Variants in GRM7 observed in about 807,000 individuals in gnomAD.
The protein encoded by GRM7 is glutamate metabotropic receptor 7, also known as metabotropic glutamate receptor 7.
In GRM7, 35 loss-of-function variants were observed where a neutral mutation model predicts 84.5. The observed-to-expected ratio is 0.41, with a 90% CI of 0.32 to 0.55. The LOEUF is 0.55. GRM7 is among the 20% of genes least tolerant of loss of function. GRM7 has a pLI of 0.19. For synonymous variants in GRM7, 487 were observed against 455.1 expected (o/e 1.07, Z -0.89); for missense variants, 1,003 against 1,194.6 (o/e 0.84, Z 2.36).
chr3:6,958,839 A>G (rs1693177219), intron 1 of GRM7, among the ~76,000 whole-genome samples: 2 of 152,190 alleles, frequency 1.3e-5, no homozygotes, highest in Admixed American at 6.5e-5. Flanking sequence ...AGTTTCTCAT[A>G]CTAGAGCATA....
chr3:7,183,619 C>T (rs775322749), intron 2 of GRM7, among the ~76,000 whole-genome samples: 15 of 151,454 alleles, frequency 9.9e-5, no homozygotes, highest in Non-Finnish European at 1.9e-4. Context: ...AGCAAGACTC[C>T]ATCTCAAAAA....
At position 7,099,892 on chromosome 3, in the gene GRM7, T is replaced by C. The variant is rs373147025; in HGVS notation, c.520-46560T>C. ...TATATGTACACGCATTATACATATA[T>C]ACATAGATTATACATATATAATATT... On this transcript the variant is annotated intron_variant, in intron 1 of 9. Coordinates refer to ENST00000357716, the MANE Select transcript of GRM7 (RefSeq NM_000844.4). Among the ~76,000 whole-genome samples the C allele has an allele frequency of 6.9e-4, 91 of 132,442 alleles. 2 individuals are homozygous for C. Among genetic ancestry groups the C allele is most frequent in the African/African-American group, 2.0e-3 (64 of 31,608 alleles). 86.9% of individuals were successfully genotyped at this position (132,442 alleles called of 152,430 possible).
At chr3:7,097,856 A>G (rs1698910368) in intron 1 of GRM7, among the ~76,000 whole-genome samples, 1 of 152,108 alleles carries the variant, frequency 6.6e-6, no homozygotes, top group Admixed American at 6.6e-5. Context: ...TTTAATTATT[A>G]ACCAACAGTG....
At chr3:7,418,857 C>G (rs1559308672) in intron 5 of GRM7, among the ~76,000 whole-genome samples, 2 of 152,156 alleles carry the variant, frequency 1.3e-5, no homozygotes. Context: ...CATCCATAAC[C>G]ACACATGCCT....
chr3:7,665,380 TTA>T (rs1420933420), intron 8 of GRM7, among the ~76,000 whole-genome samples: 2 of 151,928 alleles, frequency 1.3e-5, no homozygotes, highest in Non-Finnish European at 2.9e-5. Flanking sequence ...TTTCACCGTG[TTA>T]GCCAGGATGG....
intron 8 of GRM7, among the ~76,000 whole-genome samples, chr3:7,594,878 G>A (rs1695964665): frequency 6.6e-6 from 1 of 152,100 alleles, no homozygotes. Flanking sequence ...GGTTGAAAAT[G>A]TCAACTCACC....
chr3:7,661,794 CAAAA>C lies in GRM7; in HGVS notation c.2452-18232_2452-18229del, dbSNP rs71043686. Among the ~76,000 whole-genome samples the C allele has an allele frequency of 9.6e-4, 27 of 28,202 alleles. 1 individual carries two copies. The highest frequency in any genetic ancestry group is 9.2e-3 in the East Asian group (5 of 546). The allele number at this position is 28,202 out of a possible 152,430, so 18.5% of individuals were successfully genotyped here. ...GGGCCACAGAGCGAGGTCTCCGTCT[CAAAA>C]AAAAAAAAAAAAAAAAAAAAAATGT... On this transcript the variant is annotated intron_variant, in intron 8 of 9. Transcript: ENST00000357716.
intron 8 of GRM7, among the ~76,000 whole-genome samples, chr3:7,628,127 G>A (rs190995915): frequency 9.1e-4 from 138 of 152,180 alleles, no homozygotes; most frequent in African/African-American, 3.2e-3. Context: ...TAAAAAACTT[G>A]AGGCATTTTT....
At chr3:7,376,260 C>T (rs1694345025) in intron 4 of GRM7, among the ~76,000 whole-genome samples, 2 of 152,102 alleles carry the variant, frequency 1.3e-5, no homozygotes, top group African/African-American at 4.8e-5. Flanking sequence ...CTGGATGTTG[C>T]CTCTCCTCTC....
intron 5 of GRM7, among the ~76,000 whole-genome samples, chr3:7,437,195 A>G (rs1467210795): frequency 1.3e-5 from 2 of 152,184 alleles, no homozygotes; most frequent in African/African-American, 4.8e-5. Context: ...TCCTATTTTT[A>G]AAAGAGTGAG....
At chr3:7,487,847 A>G (rs1050875404) in intron 7 of GRM7, among the ~76,000 whole-genome samples, 20 of 152,166 alleles carry the variant, frequency 1.3e-4, no homozygotes, top group African/African-American at 2.4e-5. Context: ...CAACCCCAGA[A>G]TTGTAGAGCT....
chr3:7,222,710 A>G (rs1426895633), intron 2 of GRM7, among the ~76,000 whole-genome samples: 1 of 152,232 alleles, frequency 6.6e-6, no homozygotes, highest in Non-Finnish European at 1.5e-5. Flanking sequence ...TGTGGCAGCA[A>G]GAAATTAATT....
chr3:6,967,864 A>G (rs1435907592), intron 1 of GRM7, among the ~76,000 whole-genome samples: 3 of 152,176 alleles, frequency 2.0e-5, no homozygotes, highest in Non-Finnish European at 4.4e-5. Flanking sequence ...GTGGGTGTCC[A>G]TTCAATTAAA....
At chr3:7,345,656 A>C (rs1433357907) in intron 4 of GRM7, among the ~76,000 whole-genome samples, 2 of 152,036 alleles carry the variant, frequency 1.3e-5, no homozygotes, top group African/African-American at 4.8e-5. Context: ...ACATATAATA[A>C]ATACATATTT....
At chr3:7,534,376 C>T (rs78304416) in intron 7 of GRM7, among the ~76,000 whole-genome samples, 7,553 of 152,190 alleles carry the variant, frequency 0.05, 300 homozygotes, top group South Asian at 0.18. Flanking sequence ...TTTTGAGATA[C>T]GTACTATTGC....
intron 8 of GRM7, among the ~76,000 whole-genome samples, chr3:7,599,445 G>A (rs949931347): frequency 2.8e-4 from 42 of 152,030 alleles, no homozygotes; most frequent in African/African-American, 9.9e-4. Context: ...CCTGTATCCC[G>A]AGTGATGAGA....
intron 1 of GRM7, among the ~76,000 whole-genome samples, chr3:6,874,075 C>A (rs1394627493): frequency 6.6e-6 from 1 of 152,152 alleles, no homozygotes; most frequent in African/African-American, 2.4e-5. Flanking sequence ...TTTATTGTAA[C>A]CTCTCTAAGC....
Position 7,565,491 on chromosome 3 carries a change from G to C in GRM7, c.1516-12931G>C, listed in dbSNP as rs533811974. ...ATTCCAGTGGGTATAGGGACTTCCTGAACAAAACTTAGGTAAGCCTAAAGG... is the reference window on the plus strand; with the variant it reads ...ATTCCAGTGGGTATAGGGACTTCCTCAACAAAACTTAGGTAAGCCTAAAGG... On this transcript the variant is annotated intron_variant, in intron 7 of 9. Transcript: ENST00000357716. 2.0e-5 allele frequency among the ~76,000 whole-genome samples: 3 copies of C among 152,286 alleles called. No individual in the cohort carries two copies. The South Asian group carries it at 6.2e-4, about 32-fold the overall frequency.
intron 6 of GRM7, among the ~76,000 whole-genome samples, chr3:7,456,395 T>C (rs1698009593): frequency 6.6e-6 from 1 of 152,128 alleles, no homozygotes; most frequent in Non-Finnish European, 1.5e-5. Context: ...ATTTTATGCA[T>C]TGGCTTATTT....
Sources: allele counts gnomAD v4.1 joint callset (sites outside exome capture counted in the v4.1 genomes callset), GRCh38; gene constraint gnomAD v4.1.1; transcripts MANE v1.5; gene names NCBI Gene and HGNC (gene_info 2026-07-23, HGNC 2026-07-21).